The following CCS variants were observed in gnomAD, a reference collection of about 807,000 sequenced individuals.
CCS encodes copper chaperone for superoxide dismutase.
A neutral mutation model predicts 35.5 loss-of-function variants in CCS; 32 were observed. That is an observed-to-expected ratio of 0.90 (90% confidence interval 0.68 to 1.21). The LOEUF (loss-of-function observed/expected upper bound fraction) is 1.21, where lower values mean the gene tolerates loss of function less well. CCS is among the 50% of genes most tolerant of loss of function. The pLI, the probability that CCS is intolerant of heterozygous loss-of-function variation, is 0.00. For synonymous variants in CCS, 130 were observed against 147.2 expected, an observed-to-expected ratio of 0.88 and a Z score of 0.84; for missense variants, 342 against 375.4, an observed-to-expected ratio of 0.91 and a Z score of 0.73.
At chr11:66,599,077 G>T (rs1487412008) in intron 2 of CCS, 39 bp from the exon 3 acceptor site, 1 of 1,613,610 alleles carries the variant, frequency 6.2e-7, no homozygotes, top group Admixed American at 1.7e-5. Context: ...AGCACTGGGT[G>T]CCAGCCTCTG....
At chr11:66,605,158 G>A in intron 5 of CCS, 181 bp from the exon 6 acceptor site, 1 of 1,533,772 alleles carries the variant, frequency 6.5e-7, no homozygotes, top group Non-Finnish European at 8.7e-7. Context: ...TTCCAGACAG[G>A]GCCAAGAGGA....
chr11:66,605,580 A>C lies in CCS; in HGVS notation c.659A>C (p.Asn220Thr), dbSNP rs1457644812. Reference protein sequence around the residue: ...GGHPLSKITGNSGERLACGII... With the variant: ...GGHPLSKITGTSGERLACGII... ...CATCCCTTATCCAAGATCACAGGGA[A>C]CTCCGGGGAGAGGTGAGTGGTGTCG... is the stretch of plus-strand genomic sequence containing the variant. The change falls in exon 7 of 8, where the codon AAC (asparagine) becomes ACC (threonine). Residue 220 changes from asparagine to threonine, a missense_variant. Physicochemically the swap from Asn to Thr is moderately conservative, Grantham distance 65 (BLOSUM62 0). Transcript: ENST00000533244. The C allele has an allele frequency of 6.2e-7, 1 of 1,613,626 alleles. No homozygotes were observed. The highest frequency in any genetic ancestry group is 1.1e-5 in the South Asian group (1 of 90,948).
intron 5 of CCS, among the ~76,000 whole-genome samples, chr11:66,603,401 C>T (rs1003458577): frequency 1.3e-5 from 2 of 152,210 alleles, no homozygotes; most frequent in African/African-American, 4.8e-5. Flanking sequence ...ATGGTGAAAC[C>T]CTGTCTCTAC....
intron 4 of CCS, 52 bp downstream of exon 4, chr11:66,599,688 C>T (rs753677050): frequency 1.3e-6 from 2 of 1,536,266 alleles, no homozygotes; most frequent in Non-Finnish European, 8.9e-7. Flanking sequence ...CATTTTCACA[C>T]TGGGCCCTCA....
Position 66,604,155 on chromosome 11 carries a change from G to A in CCS, c.490-1184G>A, listed in dbSNP as rs139310151. Among the ~76,000 whole-genome samples, 87 of 151,730 alleles carry A rather than the reference G, an allele frequency of 5.7e-4. 1 individual carries two copies. In the East Asian group the frequency reaches 0.014, roughly 25 times the overall value. On this transcript the variant is annotated intron_variant, in intron 5 of 7. Transcript: ENST00000533244. ...TGAGGCAGGAGAATTGCTTGAACCC[G>A]GGAAGCAGAGACTGCAGTGAGCCGA...
intron 2 of CCS, among the ~76,000 whole-genome samples, chr11:66,594,723 T>C (rs978584045): frequency 6.7e-6 from 1 of 150,226 alleles, no homozygotes; most frequent in Non-Finnish European, 1.5e-5. Context: ...CTGCAGTGAG[T>C]TGGATCGCTC....
rs1858541039 is a variant in CCS, at chr11:66,599,625, C to G, written c.417C>G (p.Asn139Lys). 1 of 1,611,506 alleles carries G rather than the reference C, an allele frequency of 6.2e-7. No individual in the cohort carries two copies. Among genetic ancestry groups the G allele is most frequent in the African/African-American group, 1.3e-5 (1 of 74,846 alleles). ...TCCATCAGTACGGGGACCTTACAAA[C>G]AACTGCAACAGGTGAGTTGTCTGAA... is the stretch of plus-strand genomic sequence containing the variant. ...LHVHQYGDLT[N>K]NCNSCGNHFN... Residue 139 changes from asparagine (N) to lysine (K), a missense_variant, in exon 4 of 8, where the codon AAC becomes AAG. By Grantham distance (94) the Asn-to-Lys change is moderately conservative. Transcript: ENST00000533244.
intron 4 of CCS, 123 bp downstream of exon 4, chr11:66,599,759 A>C: frequency 1.3e-5 from 12 of 940,322 alleles, no homozygotes; most frequent in African/African-American, 3.4e-5. Flanking sequence ...ACTGAGGCTC[A>C]CAGAGGTTAA....
At chr11:66,595,429 C>T (rs1036411777) in intron 2 of CCS, among the ~76,000 whole-genome samples, 1 of 152,112 alleles carries the variant, frequency 6.6e-6, no homozygotes, top group Non-Finnish European at 1.5e-5. Flanking sequence ...AGTTTTCAGC[C>T]CTCAGCATGT....
In CCS at chr11:66,597,447, G is replaced by A. The variant is rs551437609; in HGVS notation, c.113-1669G>A. 2.8e-4 allele frequency among the ~76,000 whole-genome samples: 41 copies of A among 148,926 alleles called. 1 individual carries two copies. In the South Asian group the frequency reaches 8.6e-3, roughly 31 times the overall value. ...CACTCCAGCCTGGGTGACAGAGCGAGACTCCATTTCAAAAAGAAAAAAAGG... is the reference window on the plus strand; with the variant it reads ...CACTCCAGCCTGGGTGACAGAGCGAAACTCCATTTCAAAAAGAAAAAAAGG... On this transcript the variant is annotated intron_variant, in intron 2 of 7. Transcript: ENST00000533244.
In CCS at chr11:66,599,571, C is replaced by G; in HGVS notation, c.363C>G (p.Gly121=). The G allele has an allele frequency of 6.2e-7, 1 of 1,605,896 alleles. No homozygotes were observed. The highest frequency in any genetic ancestry group is 8.5e-7 in the Non-Finnish European group (1 of 1,177,106). The change falls in exon 4 of 8, where the codon GGC becomes GGG. Residue 121 remains glycine, a synonymous_variant. Transcript: ENST00000533244. ...GCCTCATCGAGGGAACTATTGACGG[C>G]CTGGAGCCTGGGCTGCATGGACTCC... is the stretch of plus-strand genomic sequence containing the variant. The part of the protein sequence containing the change: ...ERCLIEGTID[G]LEPGLHGLHV...
intron 2 of CCS, 39 bp downstream of exon 2, chr11:66,593,753 G>C: frequency 6.3e-7 from 1 of 1,582,582 alleles, no homozygotes; most frequent in East Asian, 2.2e-5. Context: ...CAGTCCAGAA[G>C]CCTCTGGGAG....
At chr11:66,596,917 C>T (rs1858487294) in intron 2 of CCS, among the ~76,000 whole-genome samples, 1 of 152,186 alleles carries the variant, frequency 6.6e-6, no homozygotes, top group Non-Finnish European at 1.5e-5. Context: ...AGCTAGGCTG[C>T]ATGGTCAGAG....
chr11:66,596,045 G>T (rs1296696335), intron 2 of CCS, among the ~76,000 whole-genome samples: 2 of 152,170 alleles, frequency 1.3e-5, no homozygotes, highest in African/African-American at 4.8e-5. Flanking sequence ...GTTCCCCATT[G>T]CTTCTGTTGC....
At chr11:66,599,042 G>C in intron 2 of CCS, 74 bp from the exon 3 acceptor site, 1 of 1,585,856 alleles carries the variant, frequency 6.3e-7, no homozygotes, top group Non-Finnish European at 8.6e-7. Context: ...GAGAATTGCT[G>C]TCTGTTTTTC....
intron 5 of CCS, chr11:66,605,009 A>T: frequency 2.5e-6 from 2 of 812,788 alleles, no homozygotes; most frequent in Non-Finnish European, 3.5e-6. Context: ...CCGGAAAAAC[A>T]GTCTGATCCA....
At chr11:66,599,393 C>T in intron 3 of CCS, 66 bp from the exon 4 acceptor site, 1 of 1,496,990 alleles carries the variant, frequency 6.7e-7, no homozygotes, top group Admixed American at 2.3e-5. Context: ...CCCTGCCCTT[C>T]CCGAGCTGCT....
Position 66,605,570 on chromosome 11 carries a change from A to C in CCS, c.649A>C (p.Ile217Leu). ...LGRGGHPLSKITGNSGERLAC... is the reference protein window; with the variant it reads ...LGRGGHPLSKLTGNSGERLAC... ...CCGGGGAGGCCATCCCTTATCCAAG[A>C]TCACAGGGAACTCCGGGGAGAGGTG... The change falls in exon 7 of 8, where the codon ATC (isoleucine) becomes CTC (leucine). Residue 217 changes from isoleucine to leucine, a missense_variant. Physicochemically the swap from Ile to Leu is conservative, Grantham distance 5. Coordinates refer to ENST00000533244, the MANE Select transcript of CCS (RefSeq NM_005125.2). The C allele has an allele frequency of 6.2e-7, 1 of 1,613,932 alleles. No individual in the cohort carries two copies. Among genetic ancestry groups the C allele is most frequent in the Admixed American group, 1.7e-5 (1 of 59,956 alleles).
chr11:66,605,999 A>C lies in CCS; in HGVS notation c.*144A>C. On this transcript the variant is annotated 3_prime_UTR_variant, in exon 8 of 8. Coordinates refer to ENST00000533244, the MANE Select transcript of CCS (RefSeq NM_005125.2). ...GCTGTGGTGTTCCCTTGGCAAATGA[A>C]AGTTTTATTTTCGTTTGGGACTTGG... 1 of 864,840 alleles carries C rather than the reference A, an allele frequency of 1.2e-6. No homozygotes were observed. Among genetic ancestry groups the C allele is most frequent in the Non-Finnish European group, 1.6e-6 (1 of 624,258 alleles). 53.6% of individuals were successfully genotyped at this position (864,840 alleles called of 1,614,324 possible). A position where few individuals can be genotyped will look rare whatever the true frequency, so the allele number is the denominator to read the frequency against.
Sources: gnomAD v4.1 joint callset for allele counts (sites outside exome capture counted in the v4.1 genomes callset) on GRCh38, gnomAD v4.1.1 for gene constraint, MANE v1.5 for transcripts, NCBI Gene and HGNC (gene_info 2026-07-23, HGNC 2026-07-21) for gene names.